PTPN11: variants seen among roughly 807,000 people sequenced by gnomAD.
PTPN11 encodes the protein tyrosine-protein phosphatase non-receptor type 11.
In PTPN11, 6 loss-of-function variants were observed where a neutral mutation model predicts 78.8. The observed-to-expected ratio is 0.08, with a 90% CI of 0.04 to 0.15. The LOEUF is 0.15. Ranked by LOEUF, PTPN11 falls within the 10% of genes least tolerant of loss-of-function variation. The probability of loss-of-function intolerance (pLI) is 1.00; values close to 1 mark genes in which losing one functional copy is unlikely to be tolerated. For missense variants in PTPN11, 386 were observed against 744.8 expected (o/e 0.52, Z 5.61); for synonymous variants, 221 against 263.5 (o/e 0.84, Z 1.56).
chr12:112,430,026 T>G (rs1212218764), intron 1 of PTPN11, among the ~76,000 whole-genome samples: 1 of 152,128 alleles, frequency 6.6e-6, no homozygotes, highest in African/African-American at 2.4e-5. Context: ...CACATTTTTC[T>G]TTTTTCTTTT....
At chr12:112,424,420 G>A (rs550782948) in intron 1 of PTPN11, among the ~76,000 whole-genome samples, 28 of 152,234 alleles carry the variant, frequency 1.8e-4, no homozygotes, top group African/African-American at 6.7e-4. Flanking sequence ...GGATGTGATC[G>A]GGGGAGTGGC....
rs1224623106 is a variant in PTPN11 at position 112,453,204 on chromosome 12, T to C, written c.342T>C (p.His114=). 3.1e-6 allele frequency: 5 copies of C among 1,612,002 alleles called. No homozygotes were observed. The South Asian group carries it at 4.4e-5, about 14-fold the overall frequency. The stretch of plus-strand genomic sequence containing the variant: ...TTTTTAAAAACTTTAGGTGGTTTCA[T>C]GGACATCTCTCTGGGAAAGAAGCAG... ...CADPTSERWF[H]GHLSGKEAEK... The change falls in exon 4 of 16, where the codon CAT becomes CAC. Residue 114 remains histidine (H), a synonymous_variant. Transcript: ENST00000351677.
chr12:112,452,320 A>G (rs560018607), intron 3 of PTPN11, among the ~76,000 whole-genome samples: 41 of 151,918 alleles, frequency 2.7e-4, no homozygotes, highest in Middle Eastern at 3.4e-3. Flanking sequence ...TCCGCCTCCC[A>G]GGTTCAAGTG....
intron 13 of PTPN11, among the ~76,000 whole-genome samples, chr12:112,495,284 C>T (rs1486137882): frequency 6.6e-6 from 1 of 152,226 alleles, no homozygotes; most frequent in Non-Finnish European, 1.5e-5. Context: ...TTCATGGTCA[C>T]ACACTGAGTT....
intron 7 of PTPN11, among the ~76,000 whole-genome samples, chr12:112,475,826 A>C (rs780582188): frequency 2.6e-5 from 4 of 152,192 alleles, no homozygotes; most frequent in Non-Finnish European, 4.4e-5. Context: ...TGGATATTGT[A>C]ATGTATATGT....
chr12:112,463,198 T>A (rs1027444562), intron 6 of PTPN11, among the ~76,000 whole-genome samples: 4 of 151,940 alleles, frequency 2.6e-5, no homozygotes, highest in Non-Finnish European at 5.9e-5. Flanking sequence ...TTAAAATAAA[T>A]TTTTTTAACA....
At chr12:112,502,563 A>G (rs994169929) in intron 14 of PTPN11, among the ~76,000 whole-genome samples, 1 of 152,176 alleles carries the variant, frequency 6.6e-6, no homozygotes, top group Non-Finnish European at 1.5e-5. Context: ...CCTGGCCAAC[A>G]TGGTGAAACC....
At chr12:112,429,949 A>G (rs1287850327) in intron 1 of PTPN11, among the ~76,000 whole-genome samples, 1 of 152,246 alleles carries the variant, frequency 6.6e-6, no homozygotes, top group African/African-American at 2.4e-5. Context: ...GCACACAGGC[A>G]TGTGGCAAAC....
At position 112,443,326 on chromosome 12, in the gene PTPN11, T is replaced by C. The variant is rs529637167; in HGVS notation, c.15-2950T>C. Among the ~76,000 whole-genome samples, 18 of 152,162 alleles carry C rather than the reference T, an allele frequency of 1.2e-4. 1 individual carries two copies. The East Asian group carries it at 1.9e-3, about 16-fold the overall frequency. On this transcript the variant is annotated intron_variant, in intron 1 of 15. Coordinates refer to ENST00000351677, the MANE Select transcript of PTPN11 (RefSeq NM_002834.5). ...CTGGCCTTTAATTAGGATATTTCTT[T>C]GCATCCCGCCAAACTCCTCTTCATG...
chr12:112,501,641 G>A (rs1050118712), intron 13 of PTPN11, among the ~76,000 whole-genome samples: 1 of 152,122 alleles, frequency 6.6e-6, no homozygotes, highest in Admixed American at 6.6e-5. Context: ...AACAAAAATG[G>A]TGCCAGAGTC....
chr12:112,457,106 A>G (rs955775062), intron 6 of PTPN11, among the ~76,000 whole-genome samples: 3 of 152,020 alleles, frequency 2.0e-5, no homozygotes, highest in South Asian at 4.1e-4. Flanking sequence ...CCTTTAATGC[A>G]TCAGTGAAAA....
chr12:112,427,134 T>A (rs2037629713), intron 1 of PTPN11, among the ~76,000 whole-genome samples: 2 of 152,036 alleles, frequency 1.3e-5, no homozygotes, highest in Admixed American at 1.3e-4. Context: ...TAGTCACAGC[T>A]ACTTGGGAGG....
At chr12:112,441,258 C>T (rs529097671) in intron 1 of PTPN11, among the ~76,000 whole-genome samples, 1 of 151,530 alleles carries the variant, frequency 6.6e-6, no homozygotes, top group Admixed American at 6.6e-5. Context: ...GCCACCTTGC[C>T]CAGCCTTTTT....
At chr12:112,454,451 G>T (rs1279765967) in intron 4 of PTPN11, 113 bp from the exon 5 acceptor site, 3 of 833,472 alleles carry the variant, frequency 3.6e-6, no homozygotes, top group African/African-American at 1.7e-5. Context: ...CATTTAAGTT[G>T]TCTCTATATA....
At chr12:112,485,812 C>T (rs112371733) in intron 10 of PTPN11, among the ~76,000 whole-genome samples, 12 of 151,990 alleles carry the variant, frequency 7.9e-5, no homozygotes, top group African/African-American at 2.7e-4. Context: ...GAAACCCCAT[C>T]GCTACTAAAA....
At chr12:112,479,547 T>A (rs2038561742) in intron 9 of PTPN11, among the ~76,000 whole-genome samples, 1 of 152,250 alleles carries the variant, frequency 6.6e-6, no homozygotes, top group Non-Finnish European at 1.5e-5. Flanking sequence ...AACAAAGGTT[T>A]CCTTCAGCAA....
In PTPN11 at chr12:112,471,526, A is replaced by G. The variant is rs566887376; in HGVS notation, c.757-1418A>G. 2.8e-3 allele frequency among the ~76,000 whole-genome samples: 430 copies of G among 152,158 alleles called. 5 individuals are homozygous for G. Among genetic ancestry groups the G allele is most frequent in the African/African-American group, 9.7e-3 (401 of 41,536 alleles). On this transcript the variant is annotated intron_variant, in intron 6 of 15. Coordinates refer to ENST00000351677, the MANE Select transcript of PTPN11 (RefSeq NM_002834.5). ...ATTTAAAACAAAAAAAGAAGAAGAAAAAAAGAATATAGATCACAGCTGTTA... is the reference window on the plus strand; with the variant it reads ...ATTTAAAACAAAAAAAGAAGAAGAAGAAAAGAATATAGATCACAGCTGTTA...
chr12:112,502,313 A>AAAAAAC (rs1425755477), intron 14 of PTPN11, 57 bp downstream of exon 14: 10 of 1,424,454 alleles, frequency 7.0e-6, no homozygotes, highest in South Asian at 1.1e-5. Flanking sequence ...AAAAAGGTTT[A>AAAAAAC]AAAAACAAAA....
At chr12:112,471,918 A>G (rs113872430) in intron 6 of PTPN11, among the ~76,000 whole-genome samples, 270 of 151,848 alleles carry the variant, frequency 1.8e-3, no homozygotes, top group African/African-American at 6.1e-3. Context: ...ACACCTGGCT[A>G]ATTTTTGTAT....
Sources: gnomAD v4.1 joint callset for allele counts (sites outside exome capture counted in the v4.1 genomes callset) on GRCh38, gnomAD v4.1.1 for gene constraint, MANE v1.5 for transcripts, NCBI Gene and HGNC (gene_info 2026-07-23, HGNC 2026-07-21) for gene names.